The following MTMR2 variants were observed in gnomAD, a reference collection of about 807,000 sequenced individuals.
MTMR2 encodes the protein myotubularin related protein 2.
MTMR2 carries 55 observed loss-of-function variants against 86.9 expected under a neutral mutation model. The ratio of observed to expected loss-of-function variants is 0.63; its 90% CI spans 0.51 to 0.79. The LOEUF (loss-of-function observed/expected upper bound fraction) is 0.79. Ranked by LOEUF, MTMR2 falls within the 30% of genes least tolerant of loss-of-function variation. MTMR2 has a pLI of 0.00. For synonymous variants in MTMR2, 241 were observed against 266.8 expected, an observed-to-expected ratio of 0.90 and a Z score of 0.94; for missense variants, 659 against 772.3, an observed-to-expected ratio of 0.85 and a Z score of 1.74.
At chr11:95,864,691 G>C (rs1312933450) in intron 3 of MTMR2, among the ~76,000 whole-genome samples, 2 of 152,078 alleles carry the variant, frequency 1.3e-5, no homozygotes, top group African/African-American at 4.8e-5. Context: ...AAAAGACTGA[G>C]AGGTTATTCA....
intron 7 of MTMR2, among the ~76,000 whole-genome samples, chr11:95,851,559 A>C (rs1354997638): frequency 6.6e-6 from 1 of 152,026 alleles, no homozygotes; most frequent in Admixed American, 6.6e-5. Flanking sequence ...ACAAGGTTTC[A>C]CCATGTTGGT....
chr11:95,864,877 T>C (rs1452110702), intron 3 of MTMR2, among the ~76,000 whole-genome samples: 1 of 152,176 alleles, frequency 6.6e-6, no homozygotes, highest in Non-Finnish European at 1.5e-5. Flanking sequence ...AAAATTATGA[T>C]TGGTAACAAA....
Position 95,841,657 on chromosome 11 carries a change from A to G in MTMR2, c.1439T>C (p.Phe480Ser). The change falls in exon 12 of 15, where the codon TTT becomes TCT. Residue 480 changes from phenylalanine to serine, a missense_variant. Around this residue, in one of 3 missense-constraint regions of MTMR2, gnomAD observed 193 missense variants for 191.6 expected, o/e 1.01. Transcript: ENST00000346299. The stretch of plus-strand genomic sequence containing the variant: ...CCAGACACAGTCAATAAATTGAAGA[A>G]AAACAGGCGATCTGTCTGCATCTGC... ...NHADADRSPV[F>S]LQFIDCVWQM... The G allele has an allele frequency of 6.2e-7, 1 of 1,613,962 alleles. No individual in the cohort carries two copies. Among genetic ancestry groups the G allele is most frequent in the Non-Finnish European group, 8.5e-7 (1 of 1,179,872 alleles).
chr11:95,878,009 A>G (rs1865188134), intron 2 of MTMR2, among the ~76,000 whole-genome samples: 1 of 151,842 alleles, frequency 6.6e-6, no homozygotes, highest in South Asian at 2.1e-4. Context: ...ATCTTAAAAT[A>G]CAAGTTTTCA....
chr11:95,910,101 ACACACACACACACGCACGCATGCACG>A (rs1866438107), intron 1 of MTMR2, among the ~76,000 whole-genome samples: 3 of 147,420 alleles, frequency 2.0e-5, no homozygotes, highest in Non-Finnish European at 4.5e-5. Context: ...AAATATAAAC[ACACACACACACACGCACGCATGCACG>A]CACACACACA....
intron 3 of MTMR2, among the ~76,000 whole-genome samples, chr11:95,863,195 G>C (rs1864487094): frequency 6.6e-6 from 1 of 152,136 alleles, no homozygotes; most frequent in Non-Finnish European, 1.5e-5. Flanking sequence ...AGCAGATAAA[G>C]GAGTATCTTC....
intron 1 of MTMR2, among the ~76,000 whole-genome samples, chr11:95,916,986 C>T (rs1264697132): frequency 6.6e-6 from 1 of 152,124 alleles, no homozygotes; most frequent in African/African-American, 2.4e-5. Flanking sequence ...AATAAAGCTA[C>T]AGGAAAGGGA....
intron 5 of MTMR2, 62 bp from the exon 6 acceptor site, chr11:95,858,694 G>A (rs2135465120): frequency 9.2e-7 from 1 of 1,088,276 alleles, no homozygotes; most frequent in East Asian, 2.4e-5. Flanking sequence ...GAATAAATAA[G>A]GTTACTTGGA....
intron 1 of MTMR2, among the ~76,000 whole-genome samples, chr11:95,893,433 C>T (rs1301395489): frequency 3.9e-5 from 6 of 152,036 alleles, no homozygotes; most frequent in Non-Finnish European, 7.4e-5. Context: ...GACACCCAGA[C>T]CCTCAACCCC....
intron 1 of MTMR2, among the ~76,000 whole-genome samples, chr11:95,904,106 C>A (rs1866170559): frequency 6.6e-6 from 1 of 151,972 alleles, no homozygotes; most frequent in African/African-American, 2.4e-5. Flanking sequence ...TGTACTCCAG[C>A]CTGGGTGACA....
chr11:95,886,449 A>G (rs1376394965), intron 2 of MTMR2, among the ~76,000 whole-genome samples: 3 of 152,178 alleles, frequency 2.0e-5, no homozygotes, highest in African/African-American at 7.2e-5. Context: ...TATTTATGAT[A>G]TTCATGGTGT....
At chr11:95,858,434 G>T (rs1864289158) in intron 6 of MTMR2, 97 bp downstream of exon 6, 3 of 807,074 alleles carry the variant, frequency 3.7e-6, no homozygotes, top group South Asian at 1.4e-5. Flanking sequence ...GTCAAAGCAG[G>T]GATGTAAATG....
chr11:95,921,055 A>C (rs1591057905), intron 1 of MTMR2, among the ~76,000 whole-genome samples: 1 of 152,388 alleles, frequency 6.6e-6, no homozygotes, highest in East Asian at 1.9e-4. Flanking sequence ...GTACTTAAAG[A>C]AATTAGAGAT....
At chr11:95,891,526 G>A (rs151305280) in intron 1 of MTMR2, among the ~76,000 whole-genome samples, 3 of 152,072 alleles carry the variant, frequency 2.0e-5, no homozygotes, top group Non-Finnish European at 2.9e-5. Context: ...ATCTAAGAGA[G>A]AGAAAATAAC....
intron 2 of MTMR2, among the ~76,000 whole-genome samples, chr11:95,881,676 T>C (rs1272984903): frequency 6.6e-6 from 1 of 152,128 alleles, no homozygotes. Context: ...TTATGTTATC[T>C]TGTATCCGGC....
intron 1 of MTMR2, among the ~76,000 whole-genome samples, chr11:95,904,878 C>T (rs977910781): frequency 3.3e-5 from 5 of 152,206 alleles, no homozygotes; most frequent in African/African-American, 1.2e-4. Flanking sequence ...AATATATATG[C>T]AGTGCTTCCA....
intron 1 of MTMR2, among the ~76,000 whole-genome samples, chr11:95,920,270 T>G (rs756181722): frequency 2.2e-4 from 33 of 152,188 alleles, no homozygotes; most frequent in Non-Finnish European, 4.4e-4. Context: ...TACTGAAGTA[T>G]GGCAATATTA....
At chr11:95,896,286 C>A (rs897852529) in intron 1 of MTMR2, among the ~76,000 whole-genome samples, 6 of 151,952 alleles carry the variant, frequency 3.9e-5, no homozygotes, top group Non-Finnish European at 5.9e-5. Context: ...CGTATCTTTG[C>A]AAATGTTTGA....
At chr11:95,895,784 C>T (rs750912013) in intron 1 of MTMR2, among the ~76,000 whole-genome samples, 1 of 151,932 alleles carries the variant, frequency 6.6e-6, no homozygotes, top group Non-Finnish European at 1.5e-5. Flanking sequence ...AATATTTTTC[C>T]ACACACAAAA....
Sources: allele counts gnomAD v4.1 joint callset (sites outside exome capture counted in the v4.1 genomes callset), GRCh38; gene constraint gnomAD v4.1.1; regional missense constraint gnomAD v4.1.1; transcripts MANE v1.5; gene names NCBI Gene and HGNC (gene_info 2026-07-23, HGNC 2026-07-21).